GAB2: variants seen among roughly 807,000 people sequenced by gnomAD.
GAB2 encodes the protein GRB2-associated-binding protein 2.
Under a neutral mutation model 65.5 loss-of-function variants are expected in GAB2, and 26 were observed. The ratio of observed to expected loss-of-function variants is 0.40; its 90% confidence interval spans 0.29 to 0.55. The LOEUF is 0.55. GAB2 is among the 20% of genes least tolerant of loss of function. The pLI, the probability that GAB2 is intolerant of heterozygous loss-of-function variation, is 0.53. For synonymous variants in GAB2, 321 were observed against 329.6 expected (o/e 0.97, Z 0.28); for missense variants, 884 against 875.8 (o/e 1.01, Z -0.12).
At chr11:78,328,414 A>G (rs541558802) in intron 1 of GAB2, among the ~76,000 whole-genome samples, 28 of 152,190 alleles carry the variant, frequency 1.8e-4, no homozygotes, top group Non-Finnish European at 2.8e-4. Context: ...GGAACTCTGT[A>G]CCATCTTCTC....
At chr11:78,367,821 CTTTTTTTTTTT>C (rs569887849) in intron 1 of GAB2, among the ~76,000 whole-genome samples, 8 of 116,094 alleles carry the variant, frequency 6.9e-5, no homozygotes, top group South Asian at 3.0e-4. Context: ...TTTTCTTTTT[CTTTTTTTTTTT>C]TTTTTTTTTT....
intron 2 of GAB2, among the ~76,000 whole-genome samples, chr11:78,273,532 T>A (rs542648300): frequency 9.2e-5 from 14 of 152,390 alleles, no homozygotes; most frequent in African/African-American, 3.4e-4. Flanking sequence ...CCAATGCTTG[T>A]ATCCCCATTG....
intron 2 of GAB2, among the ~76,000 whole-genome samples, chr11:78,278,068 CTTT>C (rs538485770): frequency 4.5e-5 from 6 of 133,796 alleles, no homozygotes; most frequent in Admixed American, 7.6e-5. Context: ...TCTTCCCCTG[CTTT>C]TTTTTTTTTT....
At chr11:78,282,814 A>G (rs55761949) in intron 1 of GAB2, among the ~76,000 whole-genome samples, 30,351 of 151,950 alleles carry the variant, frequency 0.2, 3,289 homozygotes, top group East Asian at 0.4. Flanking sequence ...TCTACACTCC[A>G]TTAATTCTAC....
At chr11:78,219,637 G>C (rs969850262) in intron 9 of GAB2, among the ~76,000 whole-genome samples, 1 of 152,178 alleles carries the variant, frequency 6.6e-6, no homozygotes, top group African/African-American at 2.4e-5. Context: ...AGCAGCACCT[G>C]CCAGCCCTTC....
chr11:78,291,612 C>T (rs1866684158), intron 1 of GAB2, among the ~76,000 whole-genome samples: 1 of 117,022 alleles, frequency 8.5e-6, no homozygotes, highest in Non-Finnish European at 1.6e-5. Context: ...CCCTCTGTTG[C>T]CCAGACGGGA....
chr11:78,309,965 T>TGC (rs1855457313), intron 1 of GAB2, among the ~76,000 whole-genome samples: 1 of 110,042 alleles, frequency 9.1e-6, no homozygotes, highest in Admixed American at 9.2e-5. Context: ...TGTGTGTGTG[T>TGC]GTGTGTGCGC....
chr11:78,320,423 G>T (rs147875654), intron 1 of GAB2, among the ~76,000 whole-genome samples: 1 of 152,120 alleles, frequency 6.6e-6, no homozygotes, highest in South Asian at 2.1e-4. Context: ...AAGGAAGAGG[G>T]TCTTATCCTT....
At chr11:78,408,056 A>C (rs772208244) in intron 1 of GAB2, among the ~76,000 whole-genome samples, 1 of 152,038 alleles carries the variant, frequency 6.6e-6, no homozygotes, top group South Asian at 2.1e-4. Flanking sequence ...GAAGTTCTCT[A>C]AACAGAAAGG....
At chr11:78,273,180 G>A (rs556561414) in intron 2 of GAB2, among the ~76,000 whole-genome samples, 14 of 152,344 alleles carry the variant, frequency 9.2e-5, no homozygotes, top group South Asian at 2.1e-4. Context: ...CTGGGGCACC[G>A]CCTAGTGGAG....
chr11:78,322,797 T>TAAAAAAAAAAAAAAAAA (rs34497179), intron 1 of GAB2, among the ~76,000 whole-genome samples: 1 of 117,834 alleles, frequency 8.5e-6, no homozygotes. Flanking sequence ...TACTGAAAAG[T>TAAAAAAAAAAAAAAAAA]AAAAAAAAAA....
At chr11:78,313,523 T>C (rs1855541812) in intron 1 of GAB2, among the ~76,000 whole-genome samples, 1 of 152,158 alleles carries the variant, frequency 6.6e-6, no homozygotes. Flanking sequence ...CACCTCAGGA[T>C]CACCAGGGAT....
intron 1 of GAB2, among the ~76,000 whole-genome samples, chr11:78,311,162 G>T (rs1286812573): frequency 1.3e-5 from 2 of 152,142 alleles, no homozygotes; most frequent in East Asian, 3.8e-4. Context: ...CCTATATAAT[G>T]TACTGAGGTA....
intron 1 of GAB2, among the ~76,000 whole-genome samples, chr11:78,335,657 T>C (rs1855984683): frequency 6.6e-6 from 1 of 152,210 alleles, no homozygotes; most frequent in Non-Finnish European, 1.5e-5. Flanking sequence ...TGTAGTATAA[T>C]TTGAAGTGGG....
chr11:78,381,894 G>A lies in GAB2; in HGVS notation c.75+35752C>T, dbSNP rs117651397. Among the ~76,000 whole-genome samples, 681 of 152,278 alleles carry A rather than the reference G, an allele frequency of 4.5e-3. 5 individuals carry two copies. The highest frequency in any genetic ancestry group is 7.9e-3 in the Non-Finnish European group (537 of 68,016). On this transcript the variant is annotated intron_variant, in intron 1 of 9. Coordinates refer to ENST00000361507, the MANE Select transcript of GAB2 (RefSeq NM_080491.3). ...CATTAAAACCTACACACTTAACTTC[G>A]CAGTTCCTTGCTGCTTAAAGAATAA...
intron 1 of GAB2, among the ~76,000 whole-genome samples, chr11:78,287,466 G>A (rs947092273): frequency 2.0e-5 from 3 of 152,036 alleles, no homozygotes; most frequent in African/African-American, 7.2e-5. Flanking sequence ...TTGTAGAGAT[G>A]GGGGTCTCAC....
At chr11:78,321,887 A>C (rs891857000) in intron 1 of GAB2, among the ~76,000 whole-genome samples, 1 of 152,056 alleles carries the variant, frequency 6.6e-6, no homozygotes, top group Admixed American at 6.6e-5. Context: ...AAAAAAAACA[A>C]TGGGGATAAG....
At chr11:78,363,397 G>A (rs1856458853) in intron 1 of GAB2, among the ~76,000 whole-genome samples, 2 of 152,066 alleles carry the variant, frequency 1.3e-5, no homozygotes, top group Admixed American at 6.6e-5. Context: ...TATATAGTAG[G>A]TGCTCAATAA....
intron 1 of GAB2, among the ~76,000 whole-genome samples, chr11:78,359,046 T>C (rs926411374): frequency 7.9e-5 from 12 of 152,148 alleles, no homozygotes; most frequent in African/African-American, 1.9e-4. Context: ...AGAAATTCCA[T>C]AGAATGTGAC....
Sources: gnomAD v4.1 joint callset for allele counts (sites outside exome capture counted in the v4.1 genomes callset) on GRCh38, gnomAD v4.1.1 for gene constraint, MANE v1.5 for transcripts, NCBI Gene and HGNC (gene_info 2026-07-23, HGNC 2026-07-21) for gene names.